The following ZNF644 variants were observed in gnomAD, a reference collection of about 807,000 sequenced individuals.
ZNF644 encodes zinc finger protein 644.
A neutral mutation model predicts 108.0 loss-of-function variants in ZNF644; 20 were observed. The observed-to-expected ratio is 0.19, with a 90% CI of 0.13 to 0.27. The LOEUF is 0.27. Ranked by LOEUF, ZNF644 falls within the 10% of genes least tolerant of loss-of-function variation. ZNF644 has a pLI of 1.00. For missense variants in ZNF644, 1,338 were observed against 1,548.9 expected, an observed-to-expected ratio of 0.86 and a Z score of 2.29; for synonymous variants, 542 against 539.1, an observed-to-expected ratio of 1.01 and a Z score of -0.08.
intron 2 of ZNF644, among the ~76,000 whole-genome samples, chr1:90,964,270 C>G (rs964465326): frequency 6.6e-6 from 1 of 151,946 alleles, no homozygotes; most frequent in South Asian, 2.1e-4. Context: ...AAATAAAATA[C>G]ATATCTTGGA....
intron 4 of ZNF644, among the ~76,000 whole-genome samples, chr1:90,934,303 T>C (rs1356776673): frequency 3.3e-5 from 5 of 152,068 alleles, no homozygotes; most frequent in Non-Finnish European, 7.4e-5. Context: ...AAGTGGTTTT[T>C]TGAAAGCAAG....
At chr1:91,000,028 A>T (rs902590083) in intron 1 of ZNF644, among the ~76,000 whole-genome samples, 2 of 152,220 alleles carry the variant, frequency 1.3e-5, no homozygotes, top group African/African-American at 4.8e-5. Flanking sequence ...GAGCACCCAG[A>T]TTCATAAAGC....
chr1:90,950,319 G>GGGGAC (rs1652997356), intron 2 of ZNF644, among the ~76,000 whole-genome samples: 2 of 91,692 alleles, frequency 2.2e-5, no homozygotes, highest in Non-Finnish European at 4.8e-5. Flanking sequence ...CAAAAGAAAA[G>GGGGAC]AAAACAAAAG....
intron 2 of ZNF644, chr1:90,972,896 CACTT>C (rs1448555907): frequency 6.6e-6 from 1 of 152,126 alleles, no homozygotes; most frequent in Non-Finnish European, 1.5e-5. Flanking sequence ...GCTTATGAGA[CACTT>C]AGTCAAATTC....
chr1:91,004,781 ATTAAG>A (rs1243918768), intron 1 of ZNF644, among the ~76,000 whole-genome samples: 1 of 152,166 alleles, frequency 6.6e-6, no homozygotes, highest in African/African-American at 2.4e-5. Flanking sequence ...CTAGACTAAA[ATTAAG>A]TTGTTAATTA....
chr1:90,958,526 C>T (rs1051087114), intron 2 of ZNF644, among the ~76,000 whole-genome samples: 4 of 151,552 alleles, frequency 2.6e-5, no homozygotes, highest in African/African-American at 7.3e-5. Context: ...AAAACAGTAC[C>T]GAGAAAGAAA....
At chr1:90,927,708 A>T (rs1650212106) in intron 4 of ZNF644, among the ~76,000 whole-genome samples, 1 of 152,312 alleles carries the variant, frequency 6.6e-6, no homozygotes, top group South Asian at 2.1e-4. Context: ...TATAGCTAAG[A>T]AATATAAAGA....
intron 2 of ZNF644, among the ~76,000 whole-genome samples, chr1:90,973,507 A>G (rs984556954): frequency 6.6e-6 from 1 of 152,182 alleles, no homozygotes; most frequent in South Asian, 2.1e-4. Context: ...TAATATTGAA[A>G]AAGTACTTAT....
rs142734479 is a variant in ZNF644, at chr1:90,926,992, TC to T, written c.3689-8839del. 1.7e-3 allele frequency among the ~76,000 whole-genome samples: 255 copies of T among 152,284 alleles called. 2 individuals carry two copies. Among genetic ancestry groups the T allele is most frequent in the African/African-American group, 6.0e-3 (251 of 41,546 alleles). On this transcript the variant is annotated intron_variant, in intron 4 of 5. Coordinates refer to ENST00000337393, the MANE Select transcript of ZNF644 (RefSeq NM_201269.3). ...ACTCACTTTACCAGTCCAACTCAAT[TC>T]CCTTACCTCCTACTTCCTAGTATTT...
intron 1 of ZNF644, chr1:91,021,692 A>G: frequency 1.4e-5 from 1 of 71,102 alleles, no homozygotes; most frequent in Non-Finnish European, 2.5e-5. Context: ...CGCTCACCTC[A>G]GGCTCCGTGG....
At chr1:90,956,914 A>G (rs1653809207) in intron 2 of ZNF644, among the ~76,000 whole-genome samples, 1 of 151,966 alleles carries the variant, frequency 6.6e-6, no homozygotes, top group South Asian at 2.1e-4. Flanking sequence ...GGAATTGACA[A>G]CAACAACAAA....
At chr1:90,932,517 G>T (rs1650850477) in intron 4 of ZNF644, among the ~76,000 whole-genome samples, 1 of 152,052 alleles carries the variant, frequency 6.6e-6, no homozygotes, top group African/African-American at 2.4e-5. Flanking sequence ...CTTGAAAAAT[G>T]ATGCCTGTTA....
intron 4 of ZNF644, among the ~76,000 whole-genome samples, chr1:90,930,641 T>G (rs1650625480): frequency 1.3e-5 from 2 of 152,156 alleles, no homozygotes; most frequent in African/African-American, 4.8e-5. Flanking sequence ...CATTAATTTT[T>G]CACAACAAAG....
In ZNF644 at chr1:90,986,321, A is replaced by G. The variant is rs190172772; in HGVS notation, c.-17-3951T>C. ...AAAACTGTTAAGGTGAAAAGAAAAA[A>G]CAAAAAACAAAAAAAAAACCTCATA... is the stretch of plus-strand genomic sequence containing the variant. On this transcript the variant is annotated intron_variant, in intron 1 of 5. Transcript: ENST00000337393. Among the ~76,000 whole-genome samples, 15 of 148,454 alleles carry G rather than the reference A, an allele frequency of 1.0e-4. No homozygotes were observed. In the East Asian group the frequency reaches 2.4e-3, roughly 24 times the overall value.
chr1:90,937,446 T>C, intron 4 of ZNF644, 39 bp downstream of exon 4: 1 of 1,612,984 alleles, frequency 6.2e-7, no homozygotes, highest in African/African-American at 1.3e-5. Context: ...TTGAACTGCA[T>C]TTAAACTGTG....
At position 91,013,028 on chromosome 1, in the gene ZNF644, G is replaced by T. The variant is rs542782143; in HGVS notation, c.-18+8962C>A. Among the ~76,000 whole-genome samples the T allele has an allele frequency of 2.6e-5, 4 of 152,118 alleles. No individual in the cohort carries two copies. The South Asian group carries it at 8.3e-4, about 32-fold the overall frequency. ...TAGGATGTTTTTTCCAGCATTTTCT[G>T]TAGTGTCATATTAATTCTCTCTAAA... On this transcript the variant is annotated intron_variant, in intron 1 of 5. Transcript: ENST00000337393.
intron 1 of ZNF644, among the ~76,000 whole-genome samples, chr1:91,007,978 G>A (rs1489071174): frequency 1.3e-5 from 2 of 152,130 alleles, no homozygotes; most frequent in African/African-American, 2.4e-5. Flanking sequence ...GGCCACATCT[G>A]TTATCAGTTA....
intron 4 of ZNF644, among the ~76,000 whole-genome samples, chr1:90,921,865 G>A (rs896373376): frequency 1.2e-4 from 18 of 152,030 alleles, no homozygotes; most frequent in Admixed American, 3.9e-4. Context: ...CTATGAATAC[G>A]ACGACCAATG....
chr1:90,991,117 T>C (rs1389705261), intron 1 of ZNF644, among the ~76,000 whole-genome samples: 4 of 152,132 alleles, frequency 2.6e-5, no homozygotes, highest in African/African-American at 9.7e-5. Flanking sequence ...AATTACAAAA[T>C]AGGCAGAAAA....
Sources: gnomAD v4.1 joint callset for allele counts (sites outside exome capture counted in the v4.1 genomes callset) on GRCh38, gnomAD v4.1.1 for gene constraint, MANE v1.5 for transcripts, NCBI Gene and HGNC (gene_info 2026-07-23, HGNC 2026-07-21) for gene names.